The following TENM4 variants were observed in gnomAD, a reference collection of about 807,000 sequenced individuals.
TENM4 encodes the protein teneurin-4.
A neutral mutation model predicts 243.3 loss-of-function variants in TENM4; 82 were observed. The observed-to-expected ratio is 0.34, with a 90% CI of 0.28 to 0.40. The LOEUF (loss-of-function observed/expected upper bound fraction) is 0.40. TENM4 is among the 10% of genes least tolerant of loss of function. TENM4 has a pLI of 1.00. For missense variants in TENM4, 3,138 were observed against 3,673.3 expected (o/e 0.85, Z 3.77); for synonymous variants, 1,412 against 1,456.3 (o/e 0.97, Z 0.69).
Position 78,896,182 on chromosome 11 carries a change from C to T in TENM4, c.750-4846G>A, listed in dbSNP as rs569813751. ...CCGCTGTCCTGGGCCGTGTTTCCACCCACAAAGCCACGGGACAGCCACAAT... is the reference window on the plus strand; with the variant it reads ...CCGCTGTCCTGGGCCGTGTTTCCACTCACAAAGCCACGGGACAGCCACAAT... On this transcript the variant is annotated intron_variant, in intron 7 of 33. Coordinates refer to ENST00000278550, the MANE Select transcript of TENM4 (RefSeq NM_001098816.3). Among the ~76,000 whole-genome samples the T allele has an allele frequency of 2.6e-5, 4 of 152,294 alleles. No homozygotes were observed. In the East Asian group the frequency reaches 7.7e-4, roughly 29 times the overall value.
At chr11:78,935,789 T>A (rs772219766) in intron 6 of TENM4, among the ~76,000 whole-genome samples, 1 of 152,216 alleles carries the variant, frequency 6.6e-6, no homozygotes, top group African/African-American at 2.4e-5. Flanking sequence ...AAATATGTAC[T>A]CTATTGAAGA....
intron 4 of TENM4, among the ~76,000 whole-genome samples, chr11:79,070,375 T>A (rs1860381426): frequency 6.6e-6 from 1 of 152,158 alleles, no homozygotes; most frequent in African/African-American, 2.4e-5. Context: ...CTGACCCAGC[T>A]CTGGCCCAGG....
chr11:78,795,242 G>A (rs1857138602), intron 15 of TENM4, among the ~76,000 whole-genome samples: 1 of 152,142 alleles, frequency 6.6e-6, no homozygotes, highest in Non-Finnish European at 1.5e-5. Flanking sequence ...TAGTCTACCT[G>A]AGTTGTCTAG....
At chr11:78,726,531 GT>G (rs1855514218) in intron 22 of TENM4, among the ~76,000 whole-genome samples, 1 of 152,176 alleles carries the variant, frequency 6.6e-6, no homozygotes. Flanking sequence ...GTTTGTTTCT[GT>G]GTTCCCAACC....
At chr11:78,721,128 T>G (rs2135838029) in intron 24 of TENM4, among the ~76,000 whole-genome samples, 1 of 152,270 alleles carries the variant, frequency 6.6e-6, no homozygotes, top group South Asian at 2.1e-4. Flanking sequence ...CGAGCTGATT[T>G]CCTCGTCCAT....
intron 6 of TENM4, among the ~76,000 whole-genome samples, chr11:78,908,384 C>G (rs1302135368): frequency 1.3e-5 from 2 of 152,144 alleles, no homozygotes; most frequent in African/African-American, 4.8e-5. Context: ...TATAGGAATT[C>G]TGAAAAATGG....
rs565140646 is a variant in TENM4 at position 78,720,207 on chromosome 11, C to A, written c.3821+163G>T. Among the ~76,000 whole-genome samples, 7 of 152,306 alleles carry A rather than the reference C, an allele frequency of 4.6e-5. No homozygotes were observed. The South Asian group carries it at 1.5e-3, about 32-fold the overall frequency. On this transcript the variant is annotated intron_variant, in intron 25 of 33. Coordinates refer to ENST00000278550, the MANE Select transcript of TENM4 (RefSeq NM_001098816.3). ...TTCAGGCTCCTGCCACCCATTCTTG[C>A]CATTATTAATGACTTCCTCCCATTG...
At position 78,913,583 on chromosome 11, in the gene TENM4, A is replaced by ATGTG. The variant is rs55835050; in HGVS notation, c.494-10064_494-10061dup. Among the ~76,000 whole-genome samples the ATGTG allele has an allele frequency of 3.3e-3, 464 of 141,918 alleles. 5 individuals are homozygous for ATGTG. Among genetic ancestry groups the ATGTG allele is most frequent in the African/African-American group, 9.2e-3 (344 of 37,274 alleles). The allele number at this position is 141,918 out of a possible 152,430, so 93.1% of individuals were successfully genotyped here. ...GAACCATAGTTGATGGGTAAGAGGT[A>ATGTG]TGTGTGTGTGTGTGTGTGTGTGTGT... On this transcript the variant is annotated intron_variant, in intron 6 of 33. Coordinates refer to ENST00000278550, the MANE Select transcript of TENM4 (RefSeq NM_001098816.3).
chr11:79,371,454 T>C (rs954515743), intron 1 of TENM4, among the ~76,000 whole-genome samples: 5 of 152,168 alleles, frequency 3.3e-5, no homozygotes, highest in African/African-American at 9.7e-5. Context: ...GTTTGGGATA[T>C]GGGCCAAGAC....
At chr11:79,293,095 A>T (rs953659456) in intron 2 of TENM4, among the ~76,000 whole-genome samples, 4 of 152,088 alleles carry the variant, frequency 2.6e-5, no homozygotes, top group Non-Finnish European at 2.9e-5. Flanking sequence ...ACTATCACTA[A>T]TGGGTGACAA....
intron 9 of TENM4, among the ~76,000 whole-genome samples, chr11:78,889,054 C>A (rs1855606300): frequency 6.6e-6 from 1 of 152,198 alleles, no homozygotes. Flanking sequence ...ACAAATTCAT[C>A]AGAAGACTGC....
chr11:78,787,576 A>G (rs1856966754), intron 15 of TENM4, among the ~76,000 whole-genome samples: 1 of 152,186 alleles, frequency 6.6e-6, no homozygotes, highest in African/African-American at 2.4e-5. Flanking sequence ...TGGGGCCTGC[A>G]TTTCATGACG....
intron 7 of TENM4, among the ~76,000 whole-genome samples, chr11:78,898,197 G>C (rs578079545): frequency 1.1e-4 from 16 of 152,306 alleles, no homozygotes; most frequent in African/African-American, 3.6e-4. Context: ...CCTCAATGGG[G>C]GACTCAGTTA....
At chr11:79,190,689 G>A (rs1863461973) in intron 3 of TENM4, among the ~76,000 whole-genome samples, 1 of 152,156 alleles carries the variant, frequency 6.6e-6, no homozygotes, top group South Asian at 2.1e-4. Context: ...ATGAATAGGT[G>A]ATGCAAGTCA....
At chr11:78,850,616 G>A (rs1858513313) in intron 12 of TENM4, among the ~76,000 whole-genome samples, 1 of 152,034 alleles carries the variant, frequency 6.6e-6, no homozygotes, top group South Asian at 2.1e-4. Context: ...TTGTATTAGA[G>A]AAAAAAACAG....
At chr11:79,060,408 C>T (rs1860057019) in intron 6 of TENM4, among the ~76,000 whole-genome samples, 1 of 152,222 alleles carries the variant, frequency 6.6e-6, no homozygotes, top group Non-Finnish European at 1.5e-5. Context: ...TTATTGATGG[C>T]AGCTGCATGC....
At chr11:79,009,551 GGTTC>G (rs1433072019) in intron 6 of TENM4, among the ~76,000 whole-genome samples, 1 of 152,152 alleles carries the variant, frequency 6.6e-6, no homozygotes, top group Non-Finnish European at 1.5e-5. Flanking sequence ...CTGAGATTCA[GGTTC>G]TTTAATTCTA....
At chr11:78,688,370 G>A (rs1056872999) in intron 28 of TENM4, 144 bp from the exon 29 acceptor site, 13 of 886,838 alleles carry the variant, frequency 1.5e-5, no homozygotes, top group African/African-American at 3.4e-5. Flanking sequence ...CACATATCTT[G>A]CACAGGACCT....
chr11:79,228,829 A>G (rs1864323739), intron 2 of TENM4, among the ~76,000 whole-genome samples: 1 of 152,222 alleles, frequency 6.6e-6, no homozygotes, highest in Admixed American at 6.5e-5. Flanking sequence ...AACACCTTTC[A>G]TCAGTATGGT....
Sources: gnomAD v4.1 joint callset for allele counts (sites outside exome capture counted in the v4.1 genomes callset) on GRCh38, gnomAD v4.1.1 for gene constraint, MANE v1.5 for transcripts, NCBI Gene and HGNC (gene_info 2026-07-23, HGNC 2026-07-21) for gene names.